Variants in CLEC16A observed in about 807,000 individuals in gnomAD.
CLEC16A encodes the protein C-type lectin domain containing 16A, also known as protein CLEC16A.
CLEC16A carries 51 observed loss-of-function variants against 109.5 expected under a neutral mutation model. The observed-to-expected ratio is 0.47, with a 90% confidence interval of 0.37 to 0.59. The LOEUF is 0.59. Among genes scored for constraint, CLEC16A ranks in the 20% least tolerant of loss-of-function variants. CLEC16A has a pLI of 0.00. For missense variants in CLEC16A, 1,339 were observed against 1,394.0 expected (o/e 0.96, Z 0.63); for synonymous variants, 673 against 564.2 (o/e 1.19, Z -2.73).
In CLEC16A at chr16:11,042,325, G is replaced by A; in HGVS notation, c.1732G>A (p.Gly578Ser). The change falls in exon 15 of 24, where the codon GGC (glycine) becomes AGC (serine). Residue 578 changes from glycine (G) to serine (S), a missense_variant. Around this residue, in one of 3 missense-constraint regions of CLEC16A, gnomAD observed 1,061 missense variants for 1,006.8 expected, o/e 1.05. Coordinates refer to ENST00000409790, the MANE Select transcript of CLEC16A (RefSeq NM_015226.3). ...LLKQQVLMSA[G>S]CIMKDVHLAC... ...GAAGCAGCAAGTCCTGATGAGTGCT[G>A]GCTGCATCATGAAGGACGTGCACCT... The A allele has an allele frequency of 6.3e-7, 1 of 1,593,356 alleles. No individual in the cohort carries two copies. Among genetic ancestry groups the A allele is most frequent in the Non-Finnish European group, 8.5e-7 (1 of 1,170,288 alleles).
chr16:11,001,149 C>G (rs1376414325), intron 10 of CLEC16A, among the ~76,000 whole-genome samples: 1 of 152,044 alleles, frequency 6.6e-6, no homozygotes, highest in Non-Finnish European at 1.5e-5. Flanking sequence ...GGCTAGAGTG[C>G]AGTGGCGCCA....
At chr16:11,025,940 G>A (rs1331611809) in intron 13 of CLEC16A, among the ~76,000 whole-genome samples, 3 of 152,122 alleles carry the variant, frequency 2.0e-5, no homozygotes, top group Admixed American at 2.0e-4. Flanking sequence ...GGTTTTATTT[G>A]TATGACTGCC....
At chr16:11,161,940 T>A (rs2153088718) in intron 22 of CLEC16A, among the ~76,000 whole-genome samples, 1 of 152,182 alleles carries the variant, frequency 6.6e-6, no homozygotes, top group South Asian at 2.1e-4. Context: ...GTTAAGTGAT[T>A]ATTGGTGGGG....
intron 10 of CLEC16A, among the ~76,000 whole-genome samples, chr16:10,996,555 G>T (rs1015123240): frequency 6.6e-6 from 1 of 152,152 alleles, no homozygotes; most frequent in Non-Finnish European, 1.5e-5. Flanking sequence ...TCCAAGACTT[G>T]TATCAGTCAT....
At chr16:11,078,852 G>A (rs746254285) in intron 19 of CLEC16A, among the ~76,000 whole-genome samples, 2 of 152,150 alleles carry the variant, frequency 1.3e-5, no homozygotes, top group African/African-American at 2.4e-5. Flanking sequence ...CAGCCCGAGA[G>A]GCCTGTGGTA....
At chr16:11,070,076 T>C (rs2048982753) in intron 19 of CLEC16A, among the ~76,000 whole-genome samples, 1 of 20,528 alleles carries the variant, frequency 4.9e-5, no homozygotes, top group South Asian at 2.2e-3. Context: ...CTGCCACCAT[T>C]TTTTTTTTTT....
intron 19 of CLEC16A, among the ~76,000 whole-genome samples, chr16:11,087,171 G>A (rs138084934): frequency 1.8e-4 from 28 of 152,286 alleles, no homozygotes; most frequent in South Asian, 6.2e-4. Flanking sequence ...AACCATTCAC[G>A]TAGGTGCCAT....
Position 11,126,100 on chromosome 16 carries a change from C to T in CLEC16A, c.2595C>T (p.Asp865=), listed in dbSNP as rs931096135. The T allele has an allele frequency of 4.3e-6, 7 of 1,613,814 alleles. No homozygotes were observed. The highest frequency in any genetic ancestry group is 1.7e-5 in the Admixed American group (1 of 59,992). Residue 865 remains aspartate, a synonymous_variant, in exon 22 of 24, where the codon GAC becomes GAT. Transcript: ENST00000409790. The stretch of plus-strand genomic sequence containing the variant: ...ACCAGGGGCGCCGGGGCAGCAGCGA[C>T]CCCACAGTGCAGCGCTCCGTGTTTG... The part of the protein sequence containing the change: ...FYDQGRRGSS[D]PTVQRSVFAS...
chr16:11,159,888 T>A (rs1004053007), intron 22 of CLEC16A, among the ~76,000 whole-genome samples: 1 of 152,222 alleles, frequency 6.6e-6, no homozygotes, highest in Non-Finnish European at 1.5e-5. Context: ...CATTTAGGCT[T>A]GGGTTTTAAA....
At chr16:11,144,785 G>C (rs986252676) in intron 22 of CLEC16A, among the ~76,000 whole-genome samples, 1 of 152,228 alleles carries the variant, frequency 6.6e-6, no homozygotes, top group South Asian at 2.1e-4. Context: ...GGGGTAGGAG[G>C]GATTCTGGGT....
chr16:11,083,124 T>G (rs1282408047), intron 19 of CLEC16A, among the ~76,000 whole-genome samples: 1 of 144,272 alleles, frequency 6.9e-6, no homozygotes, highest in African/African-American at 2.7e-5. Flanking sequence ...GGATTGAGGT[T>G]TTGTTTGTTT....
rs2041908547 is a variant in CLEC16A, at chr16:10,954,765, C to T, written c.81-3017C>T. On this transcript the variant is annotated intron_variant, in intron 1 of 23. Transcript: ENST00000409790. This position sits in a 1 kb window ranked among gnomAD's most constrained non-coding sequence, Gnocchi z 4.2. ...AGGAAATACCAGACTTTCTCTACTTCCTGCTCTGGTTTCGCTGAACCTTCC... is the reference window on the plus strand; with the variant it reads ...AGGAAATACCAGACTTTCTCTACTTTCTGCTCTGGTTTCGCTGAACCTTCC... Among the ~76,000 whole-genome samples, 1 of 152,216 alleles carries T rather than the reference C, an allele frequency of 6.6e-6. No individual in the cohort carries two copies. The highest frequency in any genetic ancestry group is 1.5e-5 in the Non-Finnish European group (1 of 68,032).
At chr16:11,151,729 C>G (rs2054297323) in intron 22 of CLEC16A, among the ~76,000 whole-genome samples, 1 of 152,216 alleles carries the variant, frequency 6.6e-6, no homozygotes, top group Non-Finnish European at 1.5e-5. Flanking sequence ...AGCGACTTCT[C>G]TGATTTAGTT....
intron 13 of CLEC16A, among the ~76,000 whole-genome samples, chr16:11,033,778 G>A (rs9924931): frequency 0.085 from 12,862 of 152,198 alleles, 594 homozygotes; most frequent in African/African-American, 0.12. Flanking sequence ...ATGCTGCACC[G>A]AAATGAATAT....
intron 22 of CLEC16A, among the ~76,000 whole-genome samples, chr16:11,141,216 G>A (rs75698472): frequency 6.6e-6 from 1 of 152,362 alleles, no homozygotes; most frequent in Non-Finnish European, 1.5e-5. Context: ...CAGCCATATG[G>A]ACAGCACCAG....
intron 16 of CLEC16A, 42 bp from the exon 17 acceptor site, chr16:11,047,250 A>C: frequency 6.4e-7 from 1 of 1,555,970 alleles, no homozygotes; most frequent in Non-Finnish European, 8.8e-7. Flanking sequence ...TATGGAAAAA[A>C]ATATGAATAA....
chr16:11,005,254 C>T lies in CLEC16A; in HGVS notation c.1303+1949C>T, dbSNP rs190069576. 9.2e-5 allele frequency among the ~76,000 whole-genome samples: 14 copies of T among 152,324 alleles called. No individual in the cohort carries two copies. In the East Asian group the frequency reaches 2.3e-3, roughly 25 times the overall value. On this transcript the variant is annotated intron_variant, in intron 11 of 23. Coordinates refer to ENST00000409790, the MANE Select transcript of CLEC16A (RefSeq NM_015226.3). ...ACACAGGGGCTTCAGGCCAGTTCTGCAGGCTGCTGTTTCAGCTTGAACTGC... is the reference window on the plus strand; with the variant it reads ...ACACAGGGGCTTCAGGCCAGTTCTGTAGGCTGCTGTTTCAGCTTGAACTGC...
intron 19 of CLEC16A, among the ~76,000 whole-genome samples, chr16:11,114,245 C>CA (rs2051815893): frequency 6.6e-6 from 1 of 151,728 alleles, no homozygotes; most frequent in African/African-American, 2.4e-5. Context: ...GCAAATCCTT[C>CA]ACGTTTACTA....
chr16:10,990,244 T>A (rs775830156), intron 10 of CLEC16A, among the ~76,000 whole-genome samples: 21 of 152,238 alleles, frequency 1.4e-4, no homozygotes, highest in Admixed American at 1.3e-3. Flanking sequence ...TCACTGCAGT[T>A]ACGGCTCTGA....
Sources: allele counts gnomAD v4.1 joint callset (sites outside exome capture counted in the v4.1 genomes callset), GRCh38; gene constraint gnomAD v4.1.1; regional missense constraint gnomAD v4.1.1; non-coding constraint Gnocchi (gnomAD v3.1); transcripts MANE v1.5; gene names NCBI Gene and HGNC (gene_info 2026-07-23, HGNC 2026-07-21).